MALRD1: variants seen among roughly 807,000 people sequenced by gnomAD.
The protein encoded by MALRD1 is MAM and LDL-receptor class A domain-containing protein 1.
A neutral mutation model predicts 242.1 loss-of-function variants in MALRD1; 247 were observed. The ratio of observed to expected loss-of-function variants is 1.02; its 90% confidence interval spans 0.92 to 1.13. The LOEUF (loss-of-function observed/expected upper bound fraction) is 1.13, where lower values mean the gene tolerates loss of function less well. MALRD1 is among the 50% of genes most tolerant of loss of function. MALRD1 has a pLI of 0.00. For synonymous variants in MALRD1, 995 were observed against 866.6 expected, an observed-to-expected ratio of 1.15 and a Z score of -2.60; for missense variants, 2,989 against 2,533.1, an observed-to-expected ratio of 1.18 and a Z score of -3.86.
At chr10:19,152,724 G>T (rs1271243264) in intron 11 of MALRD1, among the ~76,000 whole-genome samples, 1 of 151,690 alleles carries the variant, frequency 6.6e-6, no homozygotes, top group South Asian at 2.1e-4. Flanking sequence ...ATAAAAAATG[G>T]AATACTTTGG....
rs866155056 is a variant in MALRD1, at chr10:19,057,500, G to T, written c.199+8363G>T. Among the ~76,000 whole-genome samples the T allele has an allele frequency of 1.7e-4, 26 of 152,174 alleles. 1 individual carries two copies. Among genetic ancestry groups the T allele is most frequent in the Middle Eastern group, 3.4e-3 (1 of 294 alleles). On this transcript the variant is annotated intron_variant, in intron 1 of 39. Transcript: ENST00000454679. ...CCCACCTTCCAATACTATCACATTG[G>T]GAATTAGGGTTTTAAATATGAATTT...
At chr10:19,688,708 T>G (rs1433015679) in intron 36 of MALRD1, among the ~76,000 whole-genome samples, 1 of 152,200 alleles carries the variant, frequency 6.6e-6, no homozygotes, top group Non-Finnish European at 1.5e-5. Context: ...TCACTGCTGT[T>G]GCTCAAAGAA....
At chr10:19,244,631 C>G (rs1203692599) in intron 18 of MALRD1, among the ~76,000 whole-genome samples, 1 of 152,056 alleles carries the variant, frequency 6.6e-6, no homozygotes, top group Non-Finnish European at 1.5e-5. Flanking sequence ...TAGGAGAGCT[C>G]CAAGGCTAAT....
rs556868577 is a variant in MALRD1 at position 19,159,053 on chromosome 10, C to T, written c.1656+3881C>T. ...AGAGGAAAGGGCGAGCAGGTGCTCT[C>T]TCCAATCTGTATATCAAAGCACATA... On this transcript the variant is annotated intron_variant, in intron 12 of 39. Transcript: ENST00000454679. Among the ~76,000 whole-genome samples, 4 of 152,298 alleles carry T rather than the reference C, an allele frequency of 2.6e-5. No homozygotes were observed. The East Asian group carries it at 7.7e-4, about 29-fold the overall frequency.
intron 14 of MALRD1, among the ~76,000 whole-genome samples, chr10:19,197,172 C>T (rs1382187494): frequency 4.6e-5 from 7 of 152,164 alleles, no homozygotes; most frequent in South Asian, 2.1e-4. Flanking sequence ...CTCACTATAA[C>T]GAGAACAGCA....
intron 31 of MALRD1, among the ~76,000 whole-genome samples, chr10:19,499,505 G>A (rs1837874937): frequency 6.6e-6 from 1 of 151,258 alleles, no homozygotes; most frequent in African/African-American, 2.4e-5. Context: ...AATGTCTTCA[G>A]ATTTCATCTG....
At position 19,114,388 on chromosome 10, in the gene MALRD1, A is replaced by C. The variant is rs921490484; in HGVS notation, c.695-9104A>C. Among the ~76,000 whole-genome samples the C allele has an allele frequency of 2.0e-5, 3 of 152,142 alleles. No individual in the cohort carries two copies. The East Asian group carries it at 5.8e-4, about 29-fold the overall frequency. On this transcript the variant is annotated intron_variant, in intron 5 of 39. Transcript: ENST00000454679. ...TAAGTCTTTTTGGTTTATAGAAATGATTGTTTAGGAGGCTGAGGTGGGCAG... is the reference window on the plus strand; with the variant it reads ...TAAGTCTTTTTGGTTTATAGAAATGCTTGTTTAGGAGGCTGAGGTGGGCAG...
intron 28 of MALRD1, among the ~76,000 whole-genome samples, chr10:19,437,846 T>C (rs1465827013): frequency 2.0e-5 from 3 of 152,110 alleles, no homozygotes; most frequent in Non-Finnish European, 4.4e-5. Context: ...GAAATCTCAA[T>C]TCTATTATTC....
chr10:19,052,393 A>G (rs565732234), intron 1 of MALRD1, among the ~76,000 whole-genome samples: 9 of 152,322 alleles, frequency 5.9e-5, no homozygotes, highest in South Asian at 2.1e-4. Flanking sequence ...AAGTTGTGCT[A>G]TAATAAATCA....
chr10:19,502,887 G>A (rs957299880), intron 31 of MALRD1, among the ~76,000 whole-genome samples: 1 of 151,902 alleles, frequency 6.6e-6, no homozygotes, highest in Non-Finnish European at 1.5e-5. Flanking sequence ...AAGAAAACAC[G>A]AGTGTTCAAT....
At chr10:19,552,476 G>T (rs530199739) in intron 32 of MALRD1, among the ~76,000 whole-genome samples, 1 of 151,744 alleles carries the variant, frequency 6.6e-6, no homozygotes, top group Non-Finnish European at 1.5e-5. Context: ...TTCTTTATTA[G>T]TCTAGCTAGC....
intron 33 of MALRD1, among the ~76,000 whole-genome samples, chr10:19,586,054 C>T (rs957637382): frequency 8.3e-4 from 126 of 152,262 alleles, no homozygotes; most frequent in African/African-American, 2.8e-3. Context: ...ACGTAGTTTT[C>T]GAGCCTTGGT....
Position 19,057,203 on chromosome 10 carries a change from A to G in MALRD1, c.199+8066A>G, listed in dbSNP as rs1261114403. On this transcript the variant is annotated intron_variant, in intron 1 of 39. Transcript: ENST00000454679. The stretch of plus-strand genomic sequence containing the variant: ...GGTCTCATAAAATGACTTTTTACCT[A>G]TTCAGCCACTCTTTGTCTTTTGATG... 2.0e-5 allele frequency among the ~76,000 whole-genome samples: 3 copies of G among 152,152 alleles called. No homozygotes were observed. In the East Asian group the frequency reaches 5.8e-4, roughly 29 times the overall value.
chr10:19,329,317 A>G (rs1001456944), intron 23 of MALRD1, among the ~76,000 whole-genome samples: 1 of 152,180 alleles, frequency 6.6e-6, no homozygotes, highest in African/African-American at 2.4e-5. Flanking sequence ...AGTCTCACAA[A>G]GAAGACTGCC....
chr10:19,158,076 G>C lies in MALRD1; in HGVS notation c.1656+2904G>C, dbSNP rs548095959. 4.6e-5 allele frequency among the ~76,000 whole-genome samples: 7 copies of C among 152,290 alleles called. No individual in the cohort carries two copies. In the East Asian group the frequency reaches 9.6e-4, roughly 21 times the overall value. ...ATACAAGATAGGACAAACAGAACAC[G>C]AGGGAGCCCAAAGCTATTCTATCTT... On this transcript the variant is annotated intron_variant, in intron 12 of 39. Transcript: ENST00000454679.
intron 39 of MALRD1, 116 bp from the exon 40 acceptor site, chr10:19,734,040 GT>G: frequency 1.4e-6 from 1 of 722,378 alleles, no homozygotes; most frequent in Non-Finnish European, 2.2e-6. Context: ...GGATGTTCTA[GT>G]TATTACTCCA....
intron 39 of MALRD1, among the ~76,000 whole-genome samples, chr10:19,732,899 A>G (rs1564577944): frequency 6.6e-6 from 1 of 152,072 alleles, no homozygotes; most frequent in Non-Finnish European, 1.5e-5. Flanking sequence ...GAAGTGATTT[A>G]TGTTTATTTT....
At chr10:19,552,458 C>T (rs1835522858) in intron 32 of MALRD1, among the ~76,000 whole-genome samples, 1 of 151,956 alleles carries the variant, frequency 6.6e-6, no homozygotes, top group Non-Finnish European at 1.5e-5. Context: ...TGAATCTTCT[C>T]TCTTTTCTTC....
At chr10:19,460,164 T>G (rs1835868131) in intron 29 of MALRD1, among the ~76,000 whole-genome samples, 1 of 152,122 alleles carries the variant, frequency 6.6e-6, no homozygotes. Context: ...TCCTACTTTA[T>G]ACTCATATAT....
Sources: gnomAD v4.1 joint callset for allele counts (sites outside exome capture counted in the v4.1 genomes callset) on GRCh38, gnomAD v4.1.1 for gene constraint, MANE v1.5 for transcripts, NCBI Gene and HGNC (gene_info 2026-07-23, HGNC 2026-07-21) for gene names.